Variants in KIAA0825 observed in about 807,000 individuals in gnomAD.
The protein encoded by KIAA0825 is KIAA0825.
Under a neutral mutation model 147.6 loss-of-function variants are expected in KIAA0825, and 119 were observed. The ratio of observed to expected loss-of-function variants is 0.81; its 90% CI spans 0.69 to 0.94. KIAA0825 has a LOEUF of 0.94. Among genes scored for constraint, KIAA0825 ranks in the 40% least tolerant of loss-of-function variants. The pLI is 0.00. For missense variants in KIAA0825, 1,381 were observed against 1,472.7 expected (o/e 0.94, Z 1.02); for synonymous variants, 470 against 518.1 (o/e 0.91, Z 1.26).
At chr5:94,171,067 G>C (rs1382438852) in intron 20 of KIAA0825, among the ~76,000 whole-genome samples, 1 of 152,166 alleles carries the variant, frequency 6.6e-6, no homozygotes, top group Non-Finnish European at 1.5e-5. Flanking sequence ...AATTTTGATA[G>C]GAGTGTGATA....
intron 6 of KIAA0825, among the ~76,000 whole-genome samples, chr5:94,483,179 A>G (rs530162499): frequency 1.3e-5 from 2 of 152,100 alleles, no homozygotes; most frequent in Non-Finnish European, 2.9e-5. Context: ...ACATCTTTAT[A>G]ATACCTCCTA....
rs1761487087 is a variant in KIAA0825, at chr5:94,473,659, C to T, written c.1228-140G>A. ...ATACTGTAAAAGCCATTCTTACAACCTAAAAAATATTACCTAGTGAATAAA... is the reference window on the plus strand; with the variant it reads ...ATACTGTAAAAGCCATTCTTACAACTTAAAAAATATTACCTAGTGAATAAA... On this transcript the variant is annotated intron_variant, in intron 7 of 20. Coordinates refer to ENST00000682413, the MANE Select transcript of KIAA0825 (RefSeq NM_001145678.3). 1.3e-5 allele frequency: 8 copies of T among 626,014 alleles called. No homozygotes were observed. The South Asian group carries it at 1.5e-4, about 12-fold the overall frequency. 38.8% of individuals were successfully genotyped at this position (626,014 alleles called of 1,614,324 possible).
intron 1 of KIAA0825, among the ~76,000 whole-genome samples, chr5:94,613,213 G>A (rs6898151): frequency 6.6e-6 from 1 of 151,900 alleles, no homozygotes; most frequent in African/African-American, 2.4e-5. Flanking sequence ...TTTTTTTTGA[G>A]AGAGAATCCT....
At chr5:94,407,890 C>A (rs2150656405) in intron 15 of KIAA0825, among the ~76,000 whole-genome samples, 1 of 152,226 alleles carries the variant, frequency 6.6e-6, no homozygotes, top group African/African-American at 2.4e-5. Context: ...TCTAAAAGGA[C>A]ACACACAAAC....
chr5:94,446,674 T>G (rs1757764685), intron 13 of KIAA0825, among the ~76,000 whole-genome samples: 1 of 152,318 alleles, frequency 6.6e-6, no homozygotes, highest in East Asian at 1.9e-4. Flanking sequence ...GAGTTACATC[T>G]CTGCAGCTAT....
intron 2 of KIAA0825, among the ~76,000 whole-genome samples, chr5:94,548,079 CA>C (rs1774812639): frequency 6.6e-6 from 1 of 152,000 alleles, no homozygotes; most frequent in Non-Finnish European, 1.5e-5. Context: ...TCTGAAGACA[CA>C]AAACTCACTG....
intron 20 of KIAA0825, among the ~76,000 whole-genome samples, chr5:94,368,677 G>C (rs541181312): frequency 2.0e-5 from 3 of 152,150 alleles, no homozygotes; most frequent in Non-Finnish European, 4.4e-5. Context: ...GGAAACACTC[G>C]GAGGCATGTA....
chr5:94,511,366 A>G (rs1226184086), intron 5 of KIAA0825, among the ~76,000 whole-genome samples: 1 of 152,258 alleles, frequency 6.6e-6, no homozygotes, highest in Admixed American at 6.5e-5. Context: ...CACACCTGTA[A>G]TCCCAGTACT....
At chr5:94,170,301 AAAAACAAAAC>A (rs369548025) in intron 20 of KIAA0825, among the ~76,000 whole-genome samples, 30 of 152,228 alleles carry the variant, frequency 2.0e-4, no homozygotes, top group Middle Eastern at 3.4e-3. Context: ...TCCATCTCAA[AAAAACAAAAC>A]AAAACAAAAC....
chr5:94,466,597 C>T (rs957630030), intron 10 of KIAA0825, among the ~76,000 whole-genome samples: 5 of 151,702 alleles, frequency 3.3e-5, no homozygotes, highest in South Asian at 2.1e-4. Flanking sequence ...ATTAGCTGGG[C>T]GTGGTGGCAG....
At chr5:94,303,541 T>A (rs1778534204) in intron 20 of KIAA0825, among the ~76,000 whole-genome samples, 1 of 152,046 alleles carries the variant, frequency 6.6e-6, no homozygotes, top group Non-Finnish European at 1.5e-5. Flanking sequence ...AAAGCTATTT[T>A]AAATTGTGGA....
chr5:94,317,191 A>T (rs1335968976), intron 20 of KIAA0825, among the ~76,000 whole-genome samples: 1 of 151,794 alleles, frequency 6.6e-6, no homozygotes, highest in Non-Finnish European at 1.5e-5. Context: ...AGAAGTCACA[A>T]CCCTCAATAT....
At chr5:94,310,109 A>G (rs1229633187) in intron 20 of KIAA0825, among the ~76,000 whole-genome samples, 1 of 151,744 alleles carries the variant, frequency 6.6e-6, no homozygotes, top group Non-Finnish European at 1.5e-5. Context: ...AATTGGCCAC[A>G]TATACTAAGT....
intron 20 of KIAA0825, among the ~76,000 whole-genome samples, chr5:94,252,913 C>T (rs1051823076): frequency 5.9e-5 from 9 of 152,026 alleles, no homozygotes; most frequent in East Asian, 1.9e-4. Flanking sequence ...TAACTACCTT[C>T]GGTACAGATT....
intron 5 of KIAA0825, among the ~76,000 whole-genome samples, chr5:94,495,383 A>G (rs976767937): frequency 1.3e-5 from 2 of 152,258 alleles, no homozygotes; most frequent in African/African-American, 4.8e-5. Flanking sequence ...ACGACTTTGC[A>G]GCCCCTTGGT....
intron 1 of KIAA0825, among the ~76,000 whole-genome samples, chr5:94,586,477 A>C (rs1235456786): frequency 6.6e-6 from 1 of 152,214 alleles, no homozygotes; most frequent in Non-Finnish European, 1.5e-5. Context: ...ACACCTTCTC[A>C]AGACTAAATC....
intron 17 of KIAA0825, among the ~76,000 whole-genome samples, chr5:94,394,530 T>A (rs1157076966): frequency 1.3e-5 from 2 of 152,174 alleles, no homozygotes; most frequent in African/African-American, 2.4e-5. Flanking sequence ...TAAATTGAAA[T>A]CAGATTTTAA....
chr5:94,184,795 TTTA>T (rs1769980118), intron 20 of KIAA0825, among the ~76,000 whole-genome samples: 1 of 152,208 alleles, frequency 6.6e-6, no homozygotes, highest in Non-Finnish European at 1.5e-5. Flanking sequence ...TTGGTATCTA[TTTA>T]AATTTATCAT....
intron 20 of KIAA0825, among the ~76,000 whole-genome samples, chr5:94,351,812 ATATG>A (rs1279155262): frequency 1.3e-5 from 2 of 152,180 alleles, no homozygotes; most frequent in African/African-American, 2.4e-5. Flanking sequence ...GCAAACAAAA[ATATG>A]AAGTGGGGAA....
Sources: gnomAD v4.1 joint callset for allele counts (sites outside exome capture counted in the v4.1 genomes callset) on GRCh38, gnomAD v4.1.1 for gene constraint, MANE v1.5 for transcripts, NCBI Gene and HGNC (gene_info 2026-07-23, HGNC 2026-07-21) for gene names.